Variants in KCNC2 observed in about 807,000 individuals in gnomAD.
The protein encoded by KCNC2 is potassium voltage-gated channel subfamily C member 2, also known as voltage-gated potassium channel KCNC2.
KCNC2 carries 21 observed loss-of-function variants against 44.5 expected under a neutral mutation model. The ratio of observed to expected loss-of-function variants is 0.47; its 90% CI spans 0.33 to 0.68. KCNC2 has a LOEUF of 0.68. Ranked by LOEUF, KCNC2 falls within the 30% of genes least tolerant of loss-of-function variation. KCNC2 has a pLI of 0.01. For synonymous variants in KCNC2, 391 were observed against 339.1 expected (o/e 1.15, Z -1.68); for missense variants, 589 against 826.2 (o/e 0.71, Z 3.52).
At chr12:75,065,790 T>C (rs568484075) in intron 2 of KCNC2, among the ~76,000 whole-genome samples, 1 of 152,264 alleles carries the variant, frequency 6.6e-6, no homozygotes, top group East Asian at 1.9e-4. Context: ...ACCCTATCCC[T>C]GTTGTTAAGC....
At chr12:75,190,231 T>C (rs2030062692) in intron 2 of KCNC2, among the ~76,000 whole-genome samples, 1 of 152,208 alleles carries the variant, frequency 6.6e-6, no homozygotes, top group Non-Finnish European at 1.5e-5. Flanking sequence ...CTCTAGGCCC[T>C]CTTTCAATAG....
chr12:75,107,395 A>G, intron 2 of KCNC2, among the ~76,000 whole-genome samples: 1 of 151,788 alleles, frequency 6.6e-6, no homozygotes, highest in East Asian at 1.9e-4. Context: ...TAATTATAAC[A>G]AATTTATAAT....
intron 2 of KCNC2, among the ~76,000 whole-genome samples, chr12:75,148,686 C>G (rs1890188815): frequency 6.6e-6 from 1 of 151,732 alleles, no homozygotes; most frequent in East Asian, 1.9e-4. Context: ...TAAATCAATG[C>G]CTATTACTAA....
Position 75,171,522 on chromosome 12 carries a change from G to A in KCNC2, c.687+35775C>T, listed in dbSNP as rs1891818070. ...CATGGATGAAACTGGAGGACATTCTGTTAAGTGAAATAAGTCAGGCAAAGC... is the reference window on the plus strand; with the variant it reads ...CATGGATGAAACTGGAGGACATTCTATTAAGTGAAATAAGTCAGGCAAAGC... On this transcript the variant is annotated intron_variant, in intron 2 of 4. Coordinates refer to ENST00000549446, the MANE Select transcript of KCNC2 (RefSeq NM_139137.4). Among the ~76,000 whole-genome samples the A allele has an allele frequency of 1.3e-5, 2 of 151,864 alleles. 1 individual carries two copies. Among genetic ancestry groups the A allele is most frequent in the South Asian group, 4.1e-4 (2 of 4,830 alleles).
chr12:75,066,498 T>C (rs1301350823), intron 2 of KCNC2, among the ~76,000 whole-genome samples: 1 of 152,218 alleles, frequency 6.6e-6, no homozygotes, highest in Non-Finnish European at 1.5e-5. Flanking sequence ...ATTTTGATAA[T>C]AGCTAAATCA....
At chr12:75,113,907 A>T (rs1246703851) in intron 2 of KCNC2, among the ~76,000 whole-genome samples, 2 of 151,994 alleles carry the variant, frequency 1.3e-5, no homozygotes, top group Admixed American at 6.6e-5. Flanking sequence ...GAAAAAAAAG[A>T]GTTTTGTCTT....
At chr12:75,095,496 A>C (rs1885846283) in intron 2 of KCNC2, among the ~76,000 whole-genome samples, 1 of 151,738 alleles carries the variant, frequency 6.6e-6, no homozygotes, top group Non-Finnish European at 1.5e-5. Flanking sequence ...TGATTATTTC[A>C]CATCTTGTTT....
chr12:75,186,048 A>AAAATAAATAAAT lies in KCNC2; in HGVS notation c.687+21237_687+21248dup, dbSNP rs371301482. 1.1e-3 allele frequency among the ~76,000 whole-genome samples: 158 copies of AAAATAAATAAAT among 143,020 alleles called. 1 individual carries two copies. The highest frequency in any genetic ancestry group is 2.2e-3 in the African/African-American group (83 of 38,302). 93.8% of individuals were successfully genotyped at this position (143,020 alleles called of 152,430 possible). ...GTGACAAGAGTGAAACTCTGTCTCA[A>AAAATAAATAAAT]AAATAAATAAATAAATAAATAAATA... On this transcript the variant is annotated intron_variant, in intron 2 of 4. Transcript: ENST00000549446.
chr12:75,142,596 AGTT>A (rs1232924332), intron 2 of KCNC2, among the ~76,000 whole-genome samples: 5 of 152,160 alleles, frequency 3.3e-5, no homozygotes, highest in African/African-American at 7.2e-5. Context: ...ATGTGGCATT[AGTT>A]GTTGAAGGTT....
chr12:75,193,666 G>A (rs1282139221), intron 2 of KCNC2, among the ~76,000 whole-genome samples: 1 of 152,072 alleles, frequency 6.6e-6, no homozygotes, highest in Non-Finnish European at 1.5e-5. Context: ...AAAAAGGAAA[G>A]GTAACCCCAT....
chr12:75,120,106 GAAGGCT>G (rs1193709822), intron 2 of KCNC2, among the ~76,000 whole-genome samples: 2 of 152,126 alleles, frequency 1.3e-5, no homozygotes, highest in Non-Finnish European at 2.9e-5. Context: ...GAATAAAACA[GAAGGCT>G]AAGTCTCTCA....
chr12:75,203,128 T>A (rs1329763354), intron 2 of KCNC2, among the ~76,000 whole-genome samples: 1 of 151,854 alleles, frequency 6.6e-6, no homozygotes. Context: ...TTAATACATT[T>A]TCTTCCTTTA....
intron 2 of KCNC2, among the ~76,000 whole-genome samples, chr12:75,186,099 T>A (rs962894807): frequency 7.0e-6 from 1 of 142,964 alleles, no homozygotes; most frequent in African/African-American, 2.6e-5. Flanking sequence ...AAATAAAAAT[T>A]TTATTGTAAT....
chr12:75,058,255 A>G (rs995412003), intron 2 of KCNC2, among the ~76,000 whole-genome samples: 5 of 151,930 alleles, frequency 3.3e-5, no homozygotes, highest in African/African-American at 1.2e-4. Flanking sequence ...AATGGACAAT[A>G]TATAGCAATT....
intron 2 of KCNC2, among the ~76,000 whole-genome samples, chr12:75,182,538 C>CAA (rs796239884): frequency 3.2e-4 from 40 of 123,558 alleles, no homozygotes; most frequent in Admixed American, 1.9e-3. Flanking sequence ...AAAAAAAAAA[C>CAA]AAAAAAAACA....
chr12:75,177,892 G>T (rs1892303530), intron 2 of KCNC2, among the ~76,000 whole-genome samples: 1 of 151,922 alleles, frequency 6.6e-6, no homozygotes, highest in Non-Finnish European at 1.5e-5. Context: ...CTTCAACAAA[G>T]TTGGAGATTC....
At chr12:75,119,501 T>C (rs1887902553) in intron 2 of KCNC2, among the ~76,000 whole-genome samples, 1 of 152,196 alleles carries the variant, frequency 6.6e-6, no homozygotes, top group African/African-American at 2.4e-5. Context: ...AATAAACATA[T>C]TCAGAGAAAC....
intron 4 of KCNC2, among the ~76,000 whole-genome samples, chr12:75,045,402 T>A (rs566462726): frequency 3.9e-5 from 6 of 152,140 alleles, no homozygotes; most frequent in African/African-American, 1.4e-4. Flanking sequence ...ATGACTATAA[T>A]TTCAGTGCCT....
intron 2 of KCNC2, among the ~76,000 whole-genome samples, chr12:75,061,567 AC>A (rs1406587505): frequency 9.2e-3 from 6 of 650 alleles, no homozygotes; most frequent in Admixed American, 0.059. Context: ...AGTGACAAGT[AC>A]ACACACACAC....
Sources: allele counts gnomAD v4.1 joint callset (sites outside exome capture counted in the v4.1 genomes callset), GRCh38; gene constraint gnomAD v4.1.1; transcripts MANE v1.5; gene names NCBI Gene and HGNC (gene_info 2026-07-23, HGNC 2026-07-21).